Variants in C3orf49 observed in about 807,000 individuals in gnomAD.
C3orf49 encodes chromosome 3 open reading frame 49, also known as putative uncharacterized protein C3orf49.
C3orf49 carries 27 observed loss-of-function variants against 13.3 expected under a neutral mutation model. The ratio of observed to expected loss-of-function variants is 2.02; its 90% confidence interval spans 1.49 to 2.79. C3orf49 has a LOEUF of 2.79. Among genes scored for constraint, C3orf49 ranks in the 30% most tolerant of loss-of-function variants. C3orf49 has a pLI of 0.00. For missense variants in C3orf49, 242 were observed against 134.2 expected, an observed-to-expected ratio of 1.80 and a Z score of -3.97; for synonymous variants, 87 against 47.6, an observed-to-expected ratio of 1.83 and a Z score of -3.40.
chr3:63,825,243 A>C (rs913502253), intron 2 of C3orf49, among the ~76,000 whole-genome samples: 3 of 152,118 alleles, frequency 2.0e-5, no homozygotes, highest in Admixed American at 6.6e-5. Context: ...GTATATGTAA[A>C]TATACATACA....
At chr3:63,782,222 C>T in the C3orf49 span, among the ~76,000 whole-genome samples, 697 of 152,256 alleles carry the variant, frequency 4.6e-3, 5 homozygotes, top group South Asian at 0.02. Context: ...AATTTCAATA[C>T]ACTTTATACT....
At chr3:63,838,978 G>A (rs1701696527) in intron 5 of C3orf49, among the ~76,000 whole-genome samples, 1 of 152,194 alleles carries the variant, frequency 6.6e-6, no homozygotes, top group Non-Finnish European at 1.5e-5. Context: ...ATCACTTAAT[G>A]CTAGAAGTTT....
intron 6 of C3orf49, among the ~76,000 whole-genome samples, chr3:63,846,701 G>A (rs573274612): frequency 1.3e-5 from 2 of 152,192 alleles, no homozygotes; most frequent in South Asian, 2.1e-4. Flanking sequence ...ATGAGCCACC[G>A]TGCTTGGCCT....
At chr3:63,793,570 C>T in the C3orf49 span, among the ~76,000 whole-genome samples, 2,524 of 151,756 alleles carry the variant, frequency 0.017, 33 homozygotes, top group Non-Finnish European at 0.026. Flanking sequence ...CTGCTGCTGG[C>T]CTCATTTCTT....
chr3:63,786,094 A>G, the C3orf49 span: 1 of 152,164 alleles, frequency 6.6e-6, no homozygotes, highest in African/African-American at 2.4e-5. Flanking sequence ...CAGTAAAGAG[A>G]AAGCAAAATA....
the C3orf49 span, among the ~76,000 whole-genome samples, chr3:63,802,574 GT>G: frequency 6.6e-6 from 1 of 152,046 alleles, no homozygotes; most frequent in Non-Finnish European, 1.5e-5. Context: ...ATCTTTCTTA[GT>G]TTTTTTATTA....
At chr3:63,798,815 A>G in the C3orf49 span, among the ~76,000 whole-genome samples, 2 of 152,178 alleles carry the variant, frequency 1.3e-5, no homozygotes, top group Non-Finnish European at 1.5e-5. Context: ...AGAACATTGC[A>G]TAGACCTTCC....
Position 63,834,087 on chromosome 3 carries a change from T to A in C3orf49, c.849+2243T>A, listed in dbSNP as rs780863343. On this transcript the variant is annotated intron_variant, in intron 5 of 6. Coordinates refer to ENST00000295896, the MANE Select transcript of C3orf49 (RefSeq NM_001355236.2). ...CCACATTTTAAACACATTATGGTCA[T>A]GTAGCTATTTCAATATTCCTGGGAG... The A allele has an allele frequency of 2.5e-6, 4 of 1,591,520 alleles. No homozygotes were observed. In the East Asian group the frequency reaches 8.9e-5, roughly 36 times the overall value.
chr3:63,797,833 A>G, the C3orf49 span, among the ~76,000 whole-genome samples: 2 of 152,186 alleles, frequency 1.3e-5, no homozygotes, highest in Non-Finnish European at 2.9e-5. Context: ...TAGAGTAGCA[A>G]TGGTGGTGAA....
the C3orf49 span, among the ~76,000 whole-genome samples, chr3:63,794,484 A>T: frequency 1.1e-4 from 16 of 152,074 alleles, no homozygotes; most frequent in Non-Finnish European, 2.1e-4. Flanking sequence ...TCCTTTAGGT[A>T]CTATCCTATT....
At chr3:63,793,184 A>T in the C3orf49 span, among the ~76,000 whole-genome samples, 1 of 152,166 alleles carries the variant, frequency 6.6e-6, no homozygotes, top group African/African-American at 2.4e-5. Context: ...TCAACTGTTT[A>T]AATCTCCTAA....
chr3:63,790,702 C>CATTAGACG, the C3orf49 span, among the ~76,000 whole-genome samples: 1 of 151,490 alleles, frequency 6.6e-6, no homozygotes, highest in Non-Finnish European at 1.5e-5. Context: ...CACATCTTCC[C>CATTAGACG]ATTAGACGAT....
intron 5 of C3orf49, chr3:63,836,309 C>T (rs1376856543): frequency 6.2e-7 from 1 of 1,612,548 alleles, no homozygotes; most frequent in South Asian, 1.1e-5. Context: ...ACTTTAATGT[C>T]TCATGCCTGT....
the C3orf49 span, among the ~76,000 whole-genome samples, chr3:63,810,131 G>A: frequency 6.6e-6 from 1 of 151,618 alleles, no homozygotes; most frequent in East Asian, 1.9e-4. Flanking sequence ...GGGCGACAGA[G>A]CAAGACACCA....
the C3orf49 span, among the ~76,000 whole-genome samples, chr3:63,781,787 C>G: frequency 1.1e-4 from 17 of 152,048 alleles, no homozygotes; most frequent in African/African-American, 4.1e-4. Context: ...AACAAGCAAC[C>G]CATTTATTGA....
the C3orf49 span, among the ~76,000 whole-genome samples, chr3:63,813,420 T>A: frequency 6.6e-6 from 1 of 152,182 alleles, no homozygotes; most frequent in African/African-American, 2.4e-5. Flanking sequence ...CCCAGAGCAC[T>A]GGGCAATTTT....
intron 1 of C3orf49, among the ~76,000 whole-genome samples, chr3:63,821,964 T>A (rs1003491484): frequency 6.6e-6 from 1 of 152,012 alleles, no homozygotes; most frequent in African/African-American, 2.4e-5. Context: ...AGAATCTCCC[T>A]GTATTTCTTT....
the C3orf49 span, among the ~76,000 whole-genome samples, chr3:63,781,620 G>A: frequency 3.9e-5 from 6 of 152,142 alleles, no homozygotes; most frequent in Non-Finnish European, 7.4e-5. Context: ...AGTCACACTC[G>A]AGACATCATT....
intron 1 of C3orf49, among the ~76,000 whole-genome samples, chr3:63,820,844 C>T (rs1701383777): frequency 6.6e-6 from 1 of 152,044 alleles, no homozygotes; most frequent in Non-Finnish European, 1.5e-5. Flanking sequence ...AATTGAATAG[C>T]ACCCCCTAGA....
Sources: gnomAD v4.1 joint callset for allele counts (sites outside exome capture counted in the v4.1 genomes callset) on GRCh38, gnomAD v4.1.1 for gene constraint, MANE v1.5 for transcripts, NCBI Gene and HGNC (gene_info 2026-07-23, HGNC 2026-07-21) for gene names.